B3GALT1: variants seen among roughly 807,000 people sequenced by gnomAD.
The protein encoded by B3GALT1 is UDP-Gal:betaGlcNAc beta 1,3-galactosyltransferase, polypeptide 1.
Under a neutral mutation model 23.2 loss-of-function variants are expected in B3GALT1, and 10 were observed. That is an observed-to-expected ratio of 0.43 (90% CI 0.27 to 0.73). B3GALT1 has a LOEUF of 0.73. Ranked by LOEUF, B3GALT1 falls within the 30% of genes least tolerant of loss-of-function variation. The pLI, the probability that B3GALT1 is intolerant of heterozygous loss-of-function variation, is 0.21. For missense variants in B3GALT1, 299 were observed against 405.4 expected (o/e 0.74, Z 2.25); for synonymous variants, 156 against 141.5 (o/e 1.10, Z -0.73).
At chr2:167,294,736 C>T (rs1414481277) in intron 1 of B3GALT1, among the ~76,000 whole-genome samples, 1 of 152,180 alleles carries the variant, frequency 6.6e-6, no homozygotes, top group African/African-American at 2.4e-5. Context: ...CCCTGCCTGC[C>T]AGCTTTGGTA....
intron 2 of B3GALT1, among the ~76,000 whole-genome samples, chr2:167,610,088 G>C (rs1685033578): frequency 6.6e-6 from 1 of 152,096 alleles, no homozygotes; most frequent in Non-Finnish European, 1.5e-5. Context: ...TATAGTTAAA[G>C]AGGACAAAAG....
chr2:167,813,933 T>C (rs1363502757), intron 3 of B3GALT1, among the ~76,000 whole-genome samples: 6 of 152,168 alleles, frequency 3.9e-5, no homozygotes, highest in Non-Finnish European at 7.4e-5. Context: ...TGAAATTCTT[T>C]GGTTGAATTC....
At chr2:167,532,829 A>T (rs537477160) in intron 2 of B3GALT1, among the ~76,000 whole-genome samples, 5 of 148,070 alleles carry the variant, frequency 3.4e-5, no homozygotes, top group African/African-American at 1.2e-4. Flanking sequence ...ATGTCTGCAG[A>T]TAGAGAAAGA....
intron 1 of B3GALT1, among the ~76,000 whole-genome samples, chr2:167,353,581 A>G (rs1255335252): frequency 1.3e-5 from 2 of 152,172 alleles, no homozygotes; most frequent in Non-Finnish European, 2.9e-5. Flanking sequence ...GTATATACAC[A>G]ACTCAGCTAA....
intron 2 of B3GALT1, among the ~76,000 whole-genome samples, chr2:167,607,938 T>G (rs1684995018): frequency 6.6e-6 from 1 of 152,148 alleles, no homozygotes; most frequent in African/African-American, 2.4e-5. Flanking sequence ...TTGAGCTTAG[T>G]GCAATTATCC....
At chr2:167,840,909 A>G (rs1159634181) in intron 4 of B3GALT1, among the ~76,000 whole-genome samples, 11 of 146,744 alleles carry the variant, frequency 7.5e-5, no homozygotes, top group African/African-American at 2.7e-5. Flanking sequence ...CATCATTCTC[A>G]GTAAACTATC....
chr2:167,695,756 CA>C (rs888863301), intron 3 of B3GALT1, among the ~76,000 whole-genome samples: 1 of 152,068 alleles, frequency 6.6e-6, no homozygotes, highest in Admixed American at 6.6e-5. Flanking sequence ...AAATAATAAT[CA>C]ACACATAATG....
intron 1 of B3GALT1, among the ~76,000 whole-genome samples, chr2:167,415,045 A>C (rs1461980997): frequency 6.6e-6 from 1 of 152,180 alleles, no homozygotes; most frequent in Non-Finnish European, 1.5e-5. Flanking sequence ...AATGAGATAG[A>C]TATGTTATAC....
intron 2 of B3GALT1, among the ~76,000 whole-genome samples, chr2:167,626,911 C>A (rs1406086684): frequency 6.6e-6 from 1 of 151,648 alleles, no homozygotes. Flanking sequence ...GTCTCTTGAT[C>A]CTAAAACTCT....
chr2:167,643,710 C>T (rs1378155004), intron 2 of B3GALT1, among the ~76,000 whole-genome samples: 1 of 152,168 alleles, frequency 6.6e-6, no homozygotes, highest in Non-Finnish European at 1.5e-5. Flanking sequence ...AAAATCTTCC[C>T]TTTTATGAAG....
At chr2:167,547,292 A>C (rs1683655081) in intron 2 of B3GALT1, among the ~76,000 whole-genome samples, 1 of 152,192 alleles carries the variant, frequency 6.6e-6, no homozygotes, top group Admixed American at 6.5e-5. Flanking sequence ...AATATTTGTG[A>C]CATCCTTAGT....
At chr2:167,598,896 A>T (rs1558920014) in intron 2 of B3GALT1, among the ~76,000 whole-genome samples, 1 of 152,222 alleles carries the variant, frequency 6.6e-6, no homozygotes, top group African/African-American at 2.4e-5. Context: ...AGAAAAGGAC[A>T]TTCTATTATC....
chr2:167,865,358 G>A (rs188493968), intron 4 of B3GALT1, among the ~76,000 whole-genome samples: 28 of 152,290 alleles, frequency 1.8e-4, no homozygotes, highest in Admixed American at 1.0e-3. Context: ...AGCCAAGATC[G>A]CATTGTCGCA....
At chr2:167,648,793 C>T (rs1685802915) in intron 3 of B3GALT1, among the ~76,000 whole-genome samples, 1 of 152,088 alleles carries the variant, frequency 6.6e-6, no homozygotes, top group African/African-American at 2.4e-5. Flanking sequence ...TGCTTTGCCT[C>T]ATACTTCTGT....
intron 1 of B3GALT1, among the ~76,000 whole-genome samples, chr2:167,418,779 C>A (rs550075676): frequency 6.6e-6 from 1 of 151,956 alleles, no homozygotes; most frequent in Non-Finnish European, 1.5e-5. Flanking sequence ...TCAGGCAGTC[C>A]GCCTGCTTTG....
chr2:167,815,719 G>C (rs1430882594), intron 3 of B3GALT1, among the ~76,000 whole-genome samples: 3 of 152,274 alleles, frequency 2.0e-5, no homozygotes, highest in Admixed American at 6.5e-5. Flanking sequence ...AAGCGAAAAA[G>C]AAGGGGTGAT....
At chr2:167,344,916 G>A (rs192247073) in intron 1 of B3GALT1, among the ~76,000 whole-genome samples, 6 of 152,190 alleles carry the variant, frequency 3.9e-5, no homozygotes, top group African/African-American at 1.4e-4. Flanking sequence ...GCAAGATAAG[G>A]TTAGTGATTT....
At chr2:167,469,645 T>G (rs527902120) in intron 1 of B3GALT1, among the ~76,000 whole-genome samples, 2 of 152,200 alleles carry the variant, frequency 1.3e-5, no homozygotes, top group African/African-American at 4.8e-5. Context: ...CAAATACTTA[T>G]GATTGTAAAG....
intron 1 of B3GALT1, among the ~76,000 whole-genome samples, chr2:167,475,960 T>C (rs933073524): frequency 2.0e-5 from 3 of 152,188 alleles, no homozygotes; most frequent in African/African-American, 4.8e-5. Flanking sequence ...AGGCATTCTT[T>C]CTGTGTGCAT....
Sources: allele counts gnomAD v4.1 joint callset (sites outside exome capture counted in the v4.1 genomes callset), GRCh38; gene constraint gnomAD v4.1.1; transcripts MANE v1.5; gene names NCBI Gene and HGNC (gene_info 2026-07-23, HGNC 2026-07-21).